TDRD9: variants seen among roughly 807,000 people sequenced by gnomAD.
The protein encoded by TDRD9 is ATP-dependent RNA helicase TDRD9.
Under a neutral mutation model 172.6 loss-of-function variants are expected in TDRD9, and 124 were observed. That is an observed-to-expected ratio of 0.72 (90% CI 0.62 to 0.83). The LOEUF (loss-of-function observed/expected upper bound fraction) is 0.83. TDRD9 is among the 40% of genes least tolerant of loss of function. TDRD9 has a pLI of 0.00. For missense variants in TDRD9, 1,479 were observed against 1,714.1 expected, an observed-to-expected ratio of 0.86 and a Z score of 2.42; for synonymous variants, 619 against 617.1, an observed-to-expected ratio of 1.00 and a Z score of -0.05.
At chr14:104,005,129 C>A in intron 14 of TDRD9, 145 bp from the exon 15 acceptor site, 1 of 654,608 alleles carries the variant, frequency 1.5e-6, no homozygotes, top group Non-Finnish European at 2.5e-6. Context: ...CCCTTCTCTT[C>A]TCTCCCTCCC....
intron 13 of TDRD9, among the ~76,000 whole-genome samples, chr14:104,000,098 C>G (rs192537649): frequency 7.8e-4 from 119 of 152,102 alleles, no homozygotes; most frequent in African/African-American, 2.7e-3. Flanking sequence ...GAGACTGAGG[C>G]GGGTAGATGC....
chr14:103,959,753 A>T (rs937628737), intron 2 of TDRD9, among the ~76,000 whole-genome samples: 1 of 152,232 alleles, frequency 6.6e-6, no homozygotes, highest in Non-Finnish European at 1.5e-5. Flanking sequence ...CGATTACAGT[A>T]GAATCATTTT....
At chr14:103,942,719 A>G (rs866515659) in intron 1 of TDRD9, among the ~76,000 whole-genome samples, 16 of 152,232 alleles carry the variant, frequency 1.1e-4, no homozygotes, top group Admixed American at 2.0e-4. Flanking sequence ...GACTATTTGC[A>G]AAACATACAT....
chr14:103,990,723 C>G (rs989375399), intron 8 of TDRD9, among the ~76,000 whole-genome samples: 4 of 152,192 alleles, frequency 2.6e-5, no homozygotes, highest in African/African-American at 9.7e-5. Flanking sequence ...AATGAAAGTT[C>G]TAAATTCACA....
intron 1 of TDRD9, among the ~76,000 whole-genome samples, chr14:103,948,143 A>G (rs1260003332): frequency 2.6e-5 from 4 of 151,902 alleles, no homozygotes; most frequent in Non-Finnish European, 5.9e-5. Context: ...CCTTCCAAGT[A>G]GTTGGGACTA....
intron 1 of TDRD9, among the ~76,000 whole-genome samples, chr14:103,944,970 GCCTGAA>G (rs1193586666): frequency 2.0e-5 from 3 of 152,212 alleles, no homozygotes; most frequent in Admixed American, 6.5e-5. Context: ...GTCTGCCAGG[GCCTGAA>G]TAGTTAGGGG....
intron 1 of TDRD9, among the ~76,000 whole-genome samples, chr14:103,939,118 C>G (rs1192543991): frequency 6.6e-6 from 1 of 152,140 alleles, no homozygotes. Context: ...TTATTTCTCC[C>G]TGTCTGAATA....
At chr14:103,935,726 A>G (rs1566721034) in intron 1 of TDRD9, among the ~76,000 whole-genome samples, 1 of 152,142 alleles carries the variant, frequency 6.6e-6, no homozygotes, top group Non-Finnish European at 1.5e-5. Flanking sequence ...TGAGAAAAGG[A>G]GACTGAGAAC....
intron 9 of TDRD9, 33 bp downstream of exon 9, chr14:103,991,257 A>T: frequency 6.2e-7 from 1 of 1,610,908 alleles, no homozygotes; most frequent in Non-Finnish European, 8.5e-7. Flanking sequence ...ACTTGGAATC[A>T]TAATACTCTG....
chr14:104,043,106 CT>C (rs2035657638), intron 34 of TDRD9, among the ~76,000 whole-genome samples: 1 of 152,194 alleles, frequency 6.6e-6, no homozygotes, highest in Admixed American at 6.5e-5. Flanking sequence ...TTCACTGCAG[CT>C]CCAACTCCTT....
chr14:104,031,444 G>A (rs1224816407), intron 29 of TDRD9, among the ~76,000 whole-genome samples, 181 bp downstream of exon 29: 1 of 150,294 alleles, frequency 6.7e-6, no homozygotes, highest in Non-Finnish European at 1.5e-5. Context: ...GTGTTTAGTG[G>A]GGTTTAGAGA....
chr14:103,976,287 T>C (rs55746000), intron 7 of TDRD9, among the ~76,000 whole-genome samples: 3,363 of 152,184 alleles, frequency 0.022, 143 homozygotes, highest in Admixed American at 0.12. Flanking sequence ...TTCTTTTTTT[T>C]TTTCGAGACA....
intron 6 of TDRD9, among the ~76,000 whole-genome samples, chr14:103,974,919 A>C (rs1331354523): frequency 1.3e-5 from 2 of 151,976 alleles, no homozygotes; most frequent in African/African-American, 4.8e-5. Context: ...TCTTTTTTTA[A>C]AATTTATTTT....
At position 104,034,072 on chromosome 14, in the gene TDRD9, A is replaced by G; in HGVS notation, c.3619+3A>G. The G allele has an allele frequency of 6.5e-7, 1 of 1,538,176 alleles. No individual in the cohort carries two copies. Among genetic ancestry groups the G allele is most frequent in the Non-Finnish European group, 8.8e-7 (1 of 1,134,894 alleles). On this transcript the variant is annotated splice_donor_region_variant and intron_variant, in intron 31 of 35. Coordinates refer to ENST00000409874, the MANE Select transcript of TDRD9 (RefSeq NM_153046.3). Reference sequence around the variant, plus strand: ...TTCCCTTTCCATCAATGCGACTGGTAATTTAAAGATCCTGTTTATTCCTTG... The same window carrying G: ...TTCCCTTTCCATCAATGCGACTGGTGATTTAAAGATCCTGTTTATTCCTTG...
At position 104,006,639 on chromosome 14, in the gene TDRD9, TG is replaced by T; in HGVS notation, c.1880-5del. ...TTACATTCTTCTTGTTTATTTTTTATGGTTAGCGGCAGCTCTTTCTTTGAAG... is the reference window on the plus strand; with the variant it reads ...TTACATTCTTCTTGTTTATTTTTTATGTTAGCGGCAGCTCTTTCTTTGAAG... On this transcript the variant is annotated splice_region_variant and splice_polypyrimidine_tract_variant and intron_variant, in intron 16 of 35. Coordinates refer to ENST00000409874, the MANE Select transcript of TDRD9 (RefSeq NM_153046.3). 1 of 1,613,792 alleles carries T rather than the reference TG, an allele frequency of 6.2e-7. No homozygotes were observed. Among genetic ancestry groups the T allele is most frequent in the Non-Finnish European group, 8.5e-7 (1 of 1,179,778 alleles).
intron 8 of TDRD9, among the ~76,000 whole-genome samples, chr14:103,990,591 C>T (rs1025851381): frequency 1.3e-5 from 2 of 152,192 alleles, no homozygotes; most frequent in Non-Finnish European, 2.9e-5. Context: ...TTTCTTGTTT[C>T]CTGTCTGTCT....
chr14:104,041,493 T>C (rs529730814), intron 33 of TDRD9, among the ~76,000 whole-genome samples: 11 of 152,362 alleles, frequency 7.2e-5, no homozygotes, highest in African/African-American at 2.6e-4. Context: ...GAAGGACTTG[T>C]ATCCACAATA....
chr14:103,993,771 G>C (rs141331401), intron 9 of TDRD9, among the ~76,000 whole-genome samples: 2 of 152,272 alleles, frequency 1.3e-5, no homozygotes, highest in Admixed American at 6.5e-5. Flanking sequence ...AATTACATCT[G>C]CAATGACTCT....
At chr14:103,999,632 T>C (rs1413468058) in intron 13 of TDRD9, among the ~76,000 whole-genome samples, 1 of 146,492 alleles carries the variant, frequency 6.8e-6, no homozygotes, top group Non-Finnish European at 1.5e-5. Flanking sequence ...TTTTTTTTGT[T>C]TGTTTTTTAG....
Sources: gnomAD v4.1 joint callset for allele counts (sites outside exome capture counted in the v4.1 genomes callset) on GRCh38, gnomAD v4.1.1 for gene constraint, MANE v1.5 for transcripts, NCBI Gene and HGNC (gene_info 2026-07-23, HGNC 2026-07-21) for gene names.